The following SLC8A1 variants were observed in gnomAD, a reference collection of about 807,000 sequenced individuals.
SLC8A1 encodes solute carrier family 8 member A1.
SLC8A1 carries 18 observed loss-of-function variants against 68.3 expected under a neutral mutation model. The observed-to-expected ratio is 0.26, with a 90% CI of 0.18 to 0.39. The LOEUF (loss-of-function observed/expected upper bound fraction) is 0.39. Ranked by LOEUF, SLC8A1 falls within the 10% of genes least tolerant of loss-of-function variation. SLC8A1 has a pLI of 1.00. For missense variants in SLC8A1, 985 were observed against 1,156.7 expected (o/e 0.85, Z 2.15); for synonymous variants, 475 against 415.5 (o/e 1.14, Z -1.74).
chr2:40,372,374 A>C (rs1678378230), intron 2 of SLC8A1, among the ~76,000 whole-genome samples: 1 of 152,144 alleles, frequency 6.6e-6, no homozygotes. Context: ...AAGAAGCATT[A>C]ATCAACTTTA....
chr2:40,414,249 CTG>C (rs1276384413), intron 2 of SLC8A1, among the ~76,000 whole-genome samples: 1 of 152,144 alleles, frequency 6.6e-6, no homozygotes. Flanking sequence ...GACCAAAACT[CTG>C]GGAACTGTTG....
At chr2:40,245,021 T>C (rs1574621945) in intron 2 of SLC8A1, among the ~76,000 whole-genome samples, 1 of 152,380 alleles carries the variant, frequency 6.6e-6, no homozygotes, top group East Asian at 1.9e-4. Flanking sequence ...TTCCTGACTC[T>C]TGAGTTACAT....
rs2047462576 is a variant in SLC8A1 at position 40,171,380 on chromosome 2, A to G, written c.1930+3445T>C. Among the ~76,000 whole-genome samples, 8 of 152,372 alleles carry G rather than the reference A, an allele frequency of 5.3e-5. No individual in the cohort carries two copies. In the South Asian group the frequency reaches 1.7e-3, roughly 32 times the overall value. The stretch of plus-strand genomic sequence containing the variant: ...TAGGTATACTGACTGATTTTTAATT[A>G]GAGAACTCTATATCTTAGAAGTTTT... On this transcript the variant is annotated intron_variant, in intron 4 of 7. Coordinates refer to ENST00000406785, the Ensembl canonical transcript of SLC8A1.
At chr2:40,161,643 C>T (rs1184383748) in intron 5 of SLC8A1, among the ~76,000 whole-genome samples, 1 of 152,156 alleles carries the variant, frequency 6.6e-6, no homozygotes, top group African/African-American at 2.4e-5. Flanking sequence ...AATGTAACAA[C>T]AAGAGCAGCC....
At chr2:40,416,210 A>G (rs905328945) in intron 2 of SLC8A1, among the ~76,000 whole-genome samples, 1 of 152,140 alleles carries the variant, frequency 6.6e-6, no homozygotes, top group Non-Finnish European at 1.5e-5. Flanking sequence ...TCTGATTTGG[A>G]CAATAAGTTA....
At chr2:40,346,081 A>G (rs543752886) in intron 2 of SLC8A1, among the ~76,000 whole-genome samples, 24 of 151,212 alleles carry the variant, frequency 1.6e-4, no homozygotes, top group African/African-American at 5.6e-4. Context: ...AAAGAAAGAA[A>G]GAAAAAGAAA....
At chr2:40,362,418 C>G (rs1674889888) in intron 2 of SLC8A1, among the ~76,000 whole-genome samples, 1 of 152,026 alleles carries the variant, frequency 6.6e-6, no homozygotes, top group East Asian at 1.9e-4. Context: ...AGGAATAACA[C>G]TTGCAAGACA....
intron 6 of SLC8A1, among the ~76,000 whole-genome samples, chr2:40,144,137 T>C (rs1395537978): frequency 6.6e-6 from 1 of 152,192 alleles, no homozygotes; most frequent in East Asian, 1.9e-4. Flanking sequence ...ACAATGTGAG[T>C]ATCCTGATTT....
chr2:40,232,391 G>A (rs890946670), intron 2 of SLC8A1, among the ~76,000 whole-genome samples: 8 of 54,464 alleles, frequency 1.5e-4, no homozygotes, highest in South Asian at 1.1e-3. Flanking sequence ...TATGGTGCAA[G>A]TTATTTTTTT....
exon 2 of SLC8A1, chr2:40,429,741 G>A (rs753663177): frequency 6.2e-7 from 1 of 1,613,792 alleles, no homozygotes; most frequent in South Asian, 1.1e-5. Flanking sequence ...CAATAATGAT[G>A]AACATATTGA....
intron 7 of SLC8A1, among the ~76,000 whole-genome samples, chr2:40,126,083 G>T (rs1213379252): frequency 6.6e-6 from 1 of 152,014 alleles, no homozygotes; most frequent in Non-Finnish European, 1.5e-5. Flanking sequence ...GCACGAGGTG[G>T]GATTAGAATC....
intron 1 of SLC8A1, among the ~76,000 whole-genome samples, chr2:40,449,734 A>G (rs955390980): frequency 6.6e-6 from 1 of 151,934 alleles, no homozygotes; most frequent in East Asian, 1.9e-4. Context: ...TTAGTTCATT[A>G]CTCTCCTCCT....
intron 2 of SLC8A1, among the ~76,000 whole-genome samples, chr2:40,358,926 G>A (rs936458700): frequency 6.6e-6 from 1 of 152,212 alleles, no homozygotes; most frequent in African/African-American, 2.4e-5. Context: ...TTACTGAGCA[G>A]GAGACGCTTT....
At chr2:40,214,386 AG>A (rs766086357) in intron 2 of SLC8A1, among the ~76,000 whole-genome samples, 3 of 151,096 alleles carry the variant, frequency 2.0e-5, no homozygotes, top group Non-Finnish European at 2.9e-5. Context: ...TATGCTTTCC[AG>A]GCCCCGTGTT....
In SLC8A1 at chr2:40,485,644, C is replaced by T. The variant is rs539374536; in HGVS notation, c.-25+26705G>A. 3.9e-5 allele frequency among the ~76,000 whole-genome samples: 6 copies of T among 152,186 alleles called. No homozygotes were observed. In the South Asian group the frequency reaches 6.2e-4, roughly 16 times the overall value. On this transcript the variant is annotated intron_variant, in intron 1 of 7. Transcript: ENST00000402441. ...TCTGATTTCTCCCATCAGATGAAAA[C>T]ACACACTAAAAATGGAATACTCTTA...
In SLC8A1 at chr2:40,145,381, C is replaced by T. The variant is rs564885169; in HGVS notation, c.2162-5705G>A. On this transcript the variant is annotated intron_variant, in intron 6 of 7. Transcript: ENST00000406785. The stretch of plus-strand genomic sequence containing the variant: ...TTCTGAATCAAACATCTTGGTTTGC[C>T]TCTAGCTCATCACCCTTGAATTTGG... 7.4e-4 allele frequency among the ~76,000 whole-genome samples: 112 copies of T among 152,280 alleles called. 1 individual carries two copies. The highest frequency in any genetic ancestry group is 2.6e-3 in the African/African-American group (109 of 41,552).
Position 40,165,407 on chromosome 2 carries a change from G to A in SLC8A1, c.1931-423C>T, listed in dbSNP as rs547659094. On this transcript the variant is annotated intron_variant, in intron 4 of 7. Coordinates refer to ENST00000406785, the Ensembl canonical transcript of SLC8A1. ...TGCTAGAGTGACCCTCAGAGATGGC[G>A]GAGTCTGGCCTCTTCCTCTTCACTT... Among the ~76,000 whole-genome samples the A allele has an allele frequency of 1.3e-3, 199 of 152,250 alleles. 1 individual carries two copies. Among genetic ancestry groups the A allele is most frequent in the African/African-American group, 3.3e-3 (139 of 41,560 alleles).
At chr2:40,188,707 A>T (rs1175453239) in intron 2 of SLC8A1, among the ~76,000 whole-genome samples, 1 of 152,266 alleles carries the variant, frequency 6.6e-6, no homozygotes, top group African/African-American at 2.4e-5. Context: ...GAAAGAGGTC[A>T]GCTTTAAAAT....
At chr2:40,462,070 A>G (rs6728108) in intron 1 of SLC8A1, among the ~76,000 whole-genome samples, 70,453 of 136,772 alleles carry the variant, frequency 0.52, 18,019 homozygotes, top group Middle Eastern at 0.62. Flanking sequence ...GCAGTGGCAC[A>G]ATCTTGGCTC....
Sources: gnomAD v4.1 joint callset for allele counts (sites outside exome capture counted in the v4.1 genomes callset) on GRCh38, gnomAD v4.1.1 for gene constraint, MANE v1.5 for transcripts, NCBI Gene and HGNC (gene_info 2026-07-23, HGNC 2026-07-21) for gene names.